SLCO3A1: variants seen among roughly 807,000 people sequenced by gnomAD.
SLCO3A1 encodes the protein solute carrier organic anion transporter family member 3A1, also known as PGE1 transporter.
SLCO3A1 carries 27 observed loss-of-function variants against 63.1 expected under a neutral mutation model. The observed-to-expected ratio is 0.43, with a 90% confidence interval of 0.32 to 0.59. The LOEUF is 0.59. Among genes scored for constraint, SLCO3A1 ranks in the 20% least tolerant of loss-of-function variants. SLCO3A1 has a pLI of 0.09. For synonymous variants in SLCO3A1, 473 were observed against 409.9 expected (o/e 1.15, Z -1.86); for missense variants, 773 against 945.8 (o/e 0.82, Z 2.40).
At chr15:91,906,512 T>A (rs553368359) in intron 1 of SLCO3A1, among the ~76,000 whole-genome samples, 2 of 152,320 alleles carry the variant, frequency 1.3e-5, no homozygotes, top group Non-Finnish European at 2.9e-5. Context: ...CTAGGGCATA[T>A]AAAGAAGCCC....
chr15:91,901,284 T>C (rs944648899), intron 1 of SLCO3A1, among the ~76,000 whole-genome samples: 1 of 152,216 alleles, frequency 6.6e-6, no homozygotes, highest in Non-Finnish European at 1.5e-5. Flanking sequence ...CCCTCCTTTG[T>C]AGTTTTGTTG....
chr15:91,951,941 C>T (rs894493324), intron 2 of SLCO3A1, among the ~76,000 whole-genome samples: 1 of 152,138 alleles, frequency 6.6e-6, no homozygotes, highest in Admixed American at 6.5e-5. Context: ...TGTTGTAACT[C>T]TAGGTTTAAC....
chr15:92,109,644 G>T, intron 4 of SLCO3A1, among the ~76,000 whole-genome samples: 1 of 152,214 alleles, frequency 6.6e-6, no homozygotes, highest in Non-Finnish European at 1.5e-5. Flanking sequence ...ACTGCCAAGT[G>T]GTCTCTTCCT....
At chr15:92,017,672 T>C (rs112293013) in intron 2 of SLCO3A1, among the ~76,000 whole-genome samples, 8 of 152,018 alleles carry the variant, frequency 5.3e-5, no homozygotes, top group African/African-American at 1.9e-4. Context: ...TGTGGACATT[T>C]GGGGAGGAGA....
At chr15:91,971,121 C>T (rs927988521) in intron 2 of SLCO3A1, among the ~76,000 whole-genome samples, 7 of 152,008 alleles carry the variant, frequency 4.6e-5, no homozygotes, top group Admixed American at 1.3e-4. Flanking sequence ...CTTGGCCGGG[C>T]GCGGTGGCTC....
chr15:92,036,868 G>C (rs1246202306), intron 2 of SLCO3A1, among the ~76,000 whole-genome samples: 2 of 152,166 alleles, frequency 1.3e-5, no homozygotes, highest in Non-Finnish European at 2.9e-5. Context: ...AAATGGAGGA[G>C]GCGATCCATG....
chr15:92,148,334 C>T (rs1231232435), intron 8 of SLCO3A1, among the ~76,000 whole-genome samples: 1 of 152,156 alleles, frequency 6.6e-6, no homozygotes, highest in Non-Finnish European at 1.5e-5. Flanking sequence ...GTCCATGCAC[C>T]TCACCTCTAC....
At position 91,876,691 on chromosome 15, in the gene SLCO3A1, C is replaced by G. The variant is rs1390316843; in HGVS notation, c.180+22603C>G. The stretch of plus-strand genomic sequence containing the variant: ...TAAGTGGTAGGTTCCGGAGGCCTCT[C>G]AACTGGAACTGTTCTCTTTACTGTG... On this transcript the variant is annotated intron_variant, in intron 1 of 9. Transcript: ENST00000318445. 2.6e-5 allele frequency among the ~76,000 whole-genome samples: 4 copies of G among 152,218 alleles called. No individual in the cohort carries two copies. The East Asian group carries it at 7.7e-4, about 29-fold the overall frequency.
intron 2 of SLCO3A1, among the ~76,000 whole-genome samples, chr15:92,074,869 C>T (rs2047258867): frequency 6.6e-6 from 1 of 152,202 alleles, no homozygotes; most frequent in South Asian, 2.1e-4. Context: ...ACTTCTGCCC[C>T]TTCAGGAAAG....
At chr15:92,072,787 C>T (rs745438099) in intron 2 of SLCO3A1, among the ~76,000 whole-genome samples, 25 of 152,146 alleles carry the variant, frequency 1.6e-4, no homozygotes, top group Non-Finnish European at 3.2e-4. Flanking sequence ...TATAAGGACA[C>T]TTGGATTTAT....
intron 1 of SLCO3A1, among the ~76,000 whole-genome samples, chr15:91,881,528 G>A (rs997354574): frequency 6.6e-6 from 1 of 151,448 alleles, no homozygotes; most frequent in African/African-American, 2.4e-5. Flanking sequence ...AGACTAACCC[G>A]CCCCCTTCCC....
intron 2 of SLCO3A1, among the ~76,000 whole-genome samples, chr15:92,076,780 G>C (rs1046723423): frequency 1.3e-5 from 2 of 152,180 alleles, no homozygotes; most frequent in African/African-American, 4.8e-5. Context: ...GCACAGCCTG[G>C]CATGGAGTCA....
chr15:92,039,836 T>C (rs1484980491), intron 2 of SLCO3A1, among the ~76,000 whole-genome samples: 2 of 152,100 alleles, frequency 1.3e-5, no homozygotes, highest in Non-Finnish European at 2.9e-5. Context: ...CATGATAGAC[T>C]GGATAAAGAA....
chr15:91,858,545 G>A (rs1597062345), intron 1 of SLCO3A1, among the ~76,000 whole-genome samples: 1 of 152,196 alleles, frequency 6.6e-6, no homozygotes, highest in East Asian at 1.9e-4. Context: ...GTTGTAAAAT[G>A]AGCGAGGGCT....
intron 2 of SLCO3A1, among the ~76,000 whole-genome samples, chr15:92,034,420 C>A (rs2046697631): frequency 6.6e-6 from 1 of 151,328 alleles, no homozygotes; most frequent in Non-Finnish European, 1.5e-5. Context: ...GATGAGTGTG[C>A]CTGGAAGTCG....
intron 2 of SLCO3A1, among the ~76,000 whole-genome samples, chr15:92,027,417 C>T (rs573574046): frequency 1.3e-5 from 2 of 152,252 alleles, no homozygotes; most frequent in Admixed American, 6.5e-5. Flanking sequence ...ACGAAGGTAC[C>T]GTCATCGTTT....
chr15:91,937,504 G>A lies in SLCO3A1; in HGVS notation c.646+21046G>A, dbSNP rs570732983. Among the ~76,000 whole-genome samples the A allele has an allele frequency of 1.9e-4, 29 of 152,236 alleles. No individual in the cohort carries two copies. The East Asian group carries it at 5.2e-3, about 27-fold the overall frequency. ...GGAGGCCGAGGTGGGCAGATCATGA[G>A]GTCAGGAGTTTGAGACCAGCCTGGC... On this transcript the variant is annotated intron_variant, in intron 2 of 9. Coordinates refer to ENST00000318445, the MANE Select transcript of SLCO3A1 (RefSeq NM_013272.4).
chr15:92,144,249 A>G (rs981161505), intron 7 of SLCO3A1, among the ~76,000 whole-genome samples: 1 of 152,170 alleles, frequency 6.6e-6, no homozygotes, highest in African/African-American at 2.4e-5. Flanking sequence ...ACACATATAC[A>G]TGATGTATAC....
Position 92,164,087 on chromosome 15 carries a change from T to A in SLCO3A1, c.*952T>A. ...TTTCAAACTGTTGTATGTATAATCC[T>A]CTAATACTATTTTTAACTACTTCTA... is the stretch of plus-strand genomic sequence containing the variant. On this transcript the variant is annotated 3_prime_UTR_variant, in exon 10 of 10. Transcript: ENST00000318445. 1.0e-6 allele frequency: 1 copy of A among 980,986 alleles called. No homozygotes were observed. Among genetic ancestry groups the A allele is most frequent in the Non-Finnish European group, 1.2e-6 (1 of 825,866 alleles). The allele number at this position is 980,986 out of a possible 1,614,324, so 60.8% of individuals were successfully genotyped here.
Sources: allele counts gnomAD v4.1 joint callset (sites outside exome capture counted in the v4.1 genomes callset), GRCh38; gene constraint gnomAD v4.1.1; transcripts MANE v1.5; gene names NCBI Gene and HGNC (gene_info 2026-07-23, HGNC 2026-07-21).